Variants in SPATA17 observed in about 807,000 individuals in gnomAD.
The protein encoded by SPATA17 is spermatogenesis associated 17.
In SPATA17, 53 loss-of-function variants were observed where a neutral mutation model predicts 62.2. The observed-to-expected ratio is 0.85, with a 90% CI of 0.68 to 1.07. The LOEUF is 1.07. Among genes scored for constraint, SPATA17 ranks in the 50% least tolerant of loss-of-function variants. The probability of loss-of-function intolerance (pLI) is 0.00; values close to 1 mark genes in which losing one functional copy is unlikely to be tolerated. For synonymous variants in SPATA17, 146 were observed against 146.8 expected, an observed-to-expected ratio of 0.99 and a Z score of 0.04; for missense variants, 466 against 425.5, an observed-to-expected ratio of 1.10 and a Z score of -0.84.
intron 9 of SPATA17, among the ~76,000 whole-genome samples, chr1:217,819,716 C>T (rs1007689053): frequency 6.6e-6 from 1 of 151,928 alleles, no homozygotes; most frequent in African/African-American, 2.4e-5. Flanking sequence ...TTATAAGTAA[C>T]TTGAGATTTC....
chr1:217,715,337 C>G (rs920065147), intron 5 of SPATA17, among the ~76,000 whole-genome samples: 2 of 152,168 alleles, frequency 1.3e-5, no homozygotes, highest in African/African-American at 2.4e-5. Flanking sequence ...AACACCTTTA[C>G]AAATTACTAA....
At chr1:217,709,290 G>A (rs763143402) in intron 5 of SPATA17, among the ~76,000 whole-genome samples, 5 of 152,158 alleles carry the variant, frequency 3.3e-5, no homozygotes, top group Non-Finnish European at 7.3e-5. Flanking sequence ...TCTGGGAGGG[G>A]CTTTGCTGTG....
At chr1:217,720,697 C>T (rs1046055016) in intron 5 of SPATA17, among the ~76,000 whole-genome samples, 27 of 152,038 alleles carry the variant, frequency 1.8e-4, no homozygotes, top group African/African-American at 5.6e-4. Context: ...TTTACAAAAA[C>T]ATACAGGATT....
At chr1:217,836,520 C>G (rs1363291951) in intron 9 of SPATA17, among the ~76,000 whole-genome samples, 1 of 152,088 alleles carries the variant, frequency 6.6e-6, no homozygotes, top group African/African-American at 2.4e-5. Context: ...CTATGACGTG[C>G]TACAAAACAT....
At chr1:217,779,029 T>C (rs919460007) in intron 7 of SPATA17, among the ~76,000 whole-genome samples, 2 of 151,956 alleles carry the variant, frequency 1.3e-5, no homozygotes, top group African/African-American at 4.8e-5. Flanking sequence ...GTATGGATGA[T>C]GTATAGGTAT....
At chr1:217,661,656 A>G (rs143925416) in intron 3 of SPATA17, among the ~76,000 whole-genome samples, 7,682 of 152,148 alleles carry the variant, frequency 0.05, 249 homozygotes, top group Middle Eastern at 0.12. Context: ...ATACTGCTAT[A>G]TCTAGCAACA....
intron 3 of SPATA17, among the ~76,000 whole-genome samples, chr1:217,664,868 G>T (rs758341037): frequency 1.3e-5 from 2 of 152,044 alleles, no homozygotes; most frequent in African/African-American, 4.8e-5. Flanking sequence ...GGGAAGAAAA[G>T]GTAGTTTCTC....
chr1:217,749,979 C>CTATATATA (rs1421804013), intron 6 of SPATA17, among the ~76,000 whole-genome samples: 122 of 30,840 alleles, frequency 4.0e-3, no homozygotes, highest in African/African-American at 5.4e-3. Flanking sequence ...CTCTCTCTCT[C>CTATATATA]TCTCTCTATA....
chr1:217,706,022 T>C (rs1671725352), intron 5 of SPATA17, among the ~76,000 whole-genome samples: 1 of 152,206 alleles, frequency 6.6e-6, no homozygotes, highest in African/African-American at 2.4e-5. Flanking sequence ...TGGTTGTAGG[T>C]GTGCAGCGTT....
At chr1:217,840,942 T>C (rs1675380992) in intron 9 of SPATA17, among the ~76,000 whole-genome samples, 1 of 151,996 alleles carries the variant, frequency 6.6e-6, no homozygotes, top group Non-Finnish European at 1.5e-5. Flanking sequence ...TGTGGATATA[T>C]ACTTATATAA....
At chr1:217,857,691 C>A (rs1287880080) in intron 9 of SPATA17, among the ~76,000 whole-genome samples, 1 of 152,118 alleles carries the variant, frequency 6.6e-6, no homozygotes, top group Non-Finnish European at 1.5e-5. Flanking sequence ...CAGATTTCTC[C>A]CAAAACCAAA....
intron 6 of SPATA17, among the ~76,000 whole-genome samples, chr1:217,750,839 G>A (rs556385347): frequency 1.3e-5 from 2 of 152,260 alleles, no homozygotes; most frequent in South Asian, 4.1e-4. Flanking sequence ...ACCGATTAAA[G>A]AAATTAAGAC....
chr1:217,683,524 C>T (rs1330965817), intron 5 of SPATA17, among the ~76,000 whole-genome samples, 163 bp downstream of exon 5: 1 of 152,074 alleles, frequency 6.6e-6, no homozygotes, highest in Non-Finnish European at 1.5e-5. Flanking sequence ...CTGCAATCTC[C>T]TCCTCTTGGG....
chr1:217,804,864 C>G (rs181665525), intron 9 of SPATA17, among the ~76,000 whole-genome samples: 3 of 152,088 alleles, frequency 2.0e-5, no homozygotes, highest in Non-Finnish European at 4.4e-5. Context: ...GTTAGAATGG[C>G]TATTACCAAA....
At position 217,694,309 on chromosome 1, in the gene SPATA17, T is replaced by G. The variant is rs1417079420; in HGVS notation, c.395+10948T>G. Among the ~76,000 whole-genome samples, 79 of 123,322 alleles carry G rather than the reference T, an allele frequency of 6.4e-4. 2 individuals are homozygous for G. The highest frequency in any genetic ancestry group is 1.2e-3 in the Non-Finnish European group (71 of 59,158). The allele number at this position is 123,322 out of a possible 152,430, so 80.9% of individuals were successfully genotyped here. ...AGTCTGTTTTATCAGAGACTAGGAT[T>G]GCAACCCCTGCCTTTTTTTGTTTTC... is the stretch of plus-strand genomic sequence containing the variant. On this transcript the variant is annotated intron_variant, in intron 5 of 10. Transcript: ENST00000366933.
intron 5 of SPATA17, among the ~76,000 whole-genome samples, chr1:217,701,337 A>G (rs773017824): frequency 3.3e-5 from 5 of 150,968 alleles, no homozygotes; most frequent in African/African-American, 7.3e-5. Flanking sequence ...GTGTGTATAT[A>G]TGTGTGTGTG....
intron 6 of SPATA17, among the ~76,000 whole-genome samples, chr1:217,744,307 A>G (rs1672698380): frequency 1.0e-5 from 1 of 97,884 alleles, no homozygotes; most frequent in Admixed American, 9.5e-5. Context: ...CTAAAAATAC[A>G]AAAAAATTAG....
chr1:217,820,792 A>T (rs1674838119), intron 9 of SPATA17, among the ~76,000 whole-genome samples: 1 of 152,104 alleles, frequency 6.6e-6, no homozygotes. Context: ...TGAAACCATG[A>T]AAGCAGATTG....
intron 6 of SPATA17, among the ~76,000 whole-genome samples, chr1:217,761,100 A>G (rs1673162822): frequency 6.6e-6 from 1 of 152,128 alleles, no homozygotes; most frequent in Non-Finnish European, 1.5e-5. Flanking sequence ...AACTCTTGGT[A>G]AGGCCACCAG....
Sources: allele counts gnomAD v4.1 joint callset (sites outside exome capture counted in the v4.1 genomes callset), GRCh38; gene constraint gnomAD v4.1.1; transcripts MANE v1.5; gene names NCBI Gene and HGNC (gene_info 2026-07-23, HGNC 2026-07-21).